The following CSMD1 variants were observed in gnomAD, a reference collection of about 807,000 sequenced individuals.
The protein encoded by CSMD1 is CUB and sushi domain-containing protein 1.
Under a neutral mutation model 417.5 loss-of-function variants are expected in CSMD1, and 213 were observed. The ratio of observed to expected loss-of-function variants is 0.51; its 90% CI spans 0.46 to 0.57. CSMD1 has a LOEUF of 0.57. Among genes scored for constraint, CSMD1 ranks in the 20% least tolerant of loss-of-function variants. The pLI, the probability that CSMD1 is intolerant of heterozygous loss-of-function variation, is 0.00. For missense variants in CSMD1, 6,923 were observed against 4,529.7 expected (o/e 1.53, Z -15.17); for synonymous variants, 2,862 against 1,736.8 (o/e 1.65, Z -16.11).
chr8:3,747,398 A>G (rs1225484154), intron 6 of CSMD1, among the ~76,000 whole-genome samples: 1 of 150,848 alleles, frequency 6.6e-6, no homozygotes, highest in East Asian at 2.0e-4. Flanking sequence ...TTTCACAGAA[A>G]TATTATGTAG....
intron 5 of CSMD1, among the ~76,000 whole-genome samples, chr8:3,774,141 C>T (rs55903638): frequency 0.021 from 3,268 of 152,256 alleles, 116 homozygotes; most frequent in African/African-American, 0.075. Flanking sequence ...CATAAATTTA[C>T]GCTGCACAAA....
At chr8:4,831,497 G>A (rs540703947) in intron 1 of CSMD1, among the ~76,000 whole-genome samples, 1 of 152,088 alleles carries the variant, frequency 6.6e-6, no homozygotes, top group East Asian at 1.9e-4. Flanking sequence ...TTGTCAAGAT[G>A]CTGCTCATTG....
intron 5 of CSMD1, among the ~76,000 whole-genome samples, chr8:3,935,903 G>A (rs1584995173): frequency 6.6e-6 from 1 of 152,164 alleles, no homozygotes; most frequent in South Asian, 2.1e-4. Context: ...GATGAGACAG[G>A]CTGAAAACTA....
intron 7 of CSMD1, among the ~76,000 whole-genome samples, chr8:3,653,159 T>C (rs1235269213): frequency 1.3e-5 from 2 of 151,892 alleles, no homozygotes; most frequent in Non-Finnish European, 1.5e-5. Flanking sequence ...TCAAGTTGCA[T>C]ATATTTTTAA....
chr8:4,242,715 C>G (rs941761271), intron 3 of CSMD1, among the ~76,000 whole-genome samples: 1 of 115,980 alleles, frequency 8.6e-6, no homozygotes, highest in African/African-American at 2.6e-5. Context: ...GGAGCCCACT[C>G]TGCCCAGTTG....
At chr8:3,074,982 T>C (rs1263541832) in intron 49 of CSMD1, among the ~76,000 whole-genome samples, 1 of 152,190 alleles carries the variant, frequency 6.6e-6, no homozygotes, top group Non-Finnish European at 1.5e-5. Context: ...TTCTCATGAA[T>C]GGCTTAGCAC....
At chr8:4,649,219 G>A (rs976929719) in intron 1 of CSMD1, among the ~76,000 whole-genome samples, 9 of 152,164 alleles carry the variant, frequency 5.9e-5, no homozygotes, top group African/African-American at 2.2e-4. Flanking sequence ...CAAGTGCCAA[G>A]CACAGTGCCC....
chr8:3,173,680 C>T (rs1820724348), intron 37 of CSMD1, among the ~76,000 whole-genome samples: 1 of 152,178 alleles, frequency 6.6e-6, no homozygotes, highest in Non-Finnish European at 1.5e-5. Context: ...CGTCTCAGTG[C>T]ACAGAATGAA....
chr8:4,906,530 T>G (rs1007781894), intron 1 of CSMD1, among the ~76,000 whole-genome samples: 6 of 151,998 alleles, frequency 3.9e-5, no homozygotes, highest in Admixed American at 2.0e-4. Flanking sequence ...TTCTAAATAT[T>G]TTAAATAAGT....
At chr8:4,785,698 A>G (rs962397134) in intron 1 of CSMD1, among the ~76,000 whole-genome samples, 1 of 152,146 alleles carries the variant, frequency 6.6e-6, no homozygotes, top group Non-Finnish European at 1.5e-5. Flanking sequence ...AGGAGAAAGG[A>G]AGGGAGGATC....
At chr8:4,854,581 C>T (rs925323040) in intron 1 of CSMD1, among the ~76,000 whole-genome samples, 10 of 152,250 alleles carry the variant, frequency 6.6e-5, no homozygotes, top group African/African-American at 1.9e-4. Flanking sequence ...TGAAGCAGGG[C>T]GAGGCATTGC....
intron 3 of CSMD1, among the ~76,000 whole-genome samples, chr8:4,201,406 T>A (rs1352214426): frequency 6.6e-6 from 1 of 151,556 alleles, no homozygotes; most frequent in African/African-American, 2.4e-5. Flanking sequence ...GGGGTGGCGC[T>A]GGGCGCCTGT....
Position 4,469,258 on chromosome 8 carries a change from G to C in CSMD1, c.303-49193C>G, listed in dbSNP as rs73660879. ...GCTCATAAAAGGAGCTCAGGGGTCA[G>C]GCTGCAGCAAAGACACTATGATTGT... On this transcript the variant is annotated intron_variant, in intron 2 of 69. Coordinates refer to ENST00000635120, the MANE Select transcript of CSMD1 (RefSeq NM_033225.6). Among the ~76,000 whole-genome samples, 542 of 152,298 alleles carry C rather than the reference G, an allele frequency of 3.6e-3. 3 individuals carry two copies. The highest frequency in any genetic ancestry group is 0.012 in the African/African-American group (519 of 41,564).
intron 1 of CSMD1, among the ~76,000 whole-genome samples, chr8:4,944,215 T>C (rs781675792): frequency 9.2e-5 from 14 of 152,126 alleles, no homozygotes; most frequent in South Asian, 2.1e-4. Flanking sequence ...TATGTAATAA[T>C]TAAAGACCAA....
intron 25 of CSMD1, among the ~76,000 whole-genome samples, chr8:3,307,150 G>A (rs1327704122): frequency 1.3e-5 from 2 of 152,036 alleles, no homozygotes; most frequent in South Asian, 4.2e-4. Flanking sequence ...CTTGAGTCTT[G>A]CCTAGCCCAT....
intron 3 of CSMD1, among the ~76,000 whole-genome samples, chr8:4,199,425 CAAGTCATGT>C (rs1799523418): frequency 6.6e-6 from 1 of 152,084 alleles, no homozygotes; most frequent in African/African-American, 2.4e-5. Flanking sequence ...CATTAGCTGT[CAAGTCATGT>C]AAGTCTATTG....
chr8:4,064,351 A>G (rs1054594832), intron 3 of CSMD1, among the ~76,000 whole-genome samples: 1 of 152,130 alleles, frequency 6.6e-6, no homozygotes, highest in Non-Finnish European at 1.5e-5. Flanking sequence ...TCTTTCACAA[A>G]TTGTATCTCT....
At chr8:4,880,153 G>A (rs896905237) in intron 1 of CSMD1, among the ~76,000 whole-genome samples, 3 of 151,964 alleles carry the variant, frequency 2.0e-5, no homozygotes, top group Non-Finnish European at 2.9e-5. Context: ...ATTGTGATAT[G>A]TTTCCCAGAC....
chr8:4,065,520 C>T lies in CSMD1; in HGVS notation c.416-33421G>A, dbSNP rs138757330. Among the ~76,000 whole-genome samples the T allele has an allele frequency of 2.7e-3, 410 of 151,902 alleles. 2 individuals are homozygous for T. The highest frequency in any genetic ancestry group is 9.5e-3 in the African/African-American group (394 of 41,410). ...ATGACACTGATTCAAAGTGAAGTTA[C>T]GGTATCAAGAAACTGTATGTTTCTT... On this transcript the variant is annotated intron_variant, in intron 3 of 69. Transcript: ENST00000635120.
Sources: allele counts gnomAD v4.1 joint callset (sites outside exome capture counted in the v4.1 genomes callset), GRCh38; gene constraint gnomAD v4.1.1; transcripts MANE v1.5; gene names NCBI Gene and HGNC (gene_info 2026-07-23, HGNC 2026-07-21).